CABYR: variants seen among roughly 807,000 people sequenced by gnomAD.
CABYR encodes calcium-binding tyrosine phosphorylation-regulated protein.
In CABYR, 31 loss-of-function variants were observed where a neutral mutation model predicts 36.1. The observed-to-expected ratio is 0.86, with a 90% CI of 0.64 to 1.16. The LOEUF (loss-of-function observed/expected upper bound fraction) is 1.16. Among genes scored for constraint, CABYR ranks in the 50% most tolerant of loss-of-function variants. CABYR has a pLI of 0.00. For synonymous variants in CABYR, 146 were observed against 160.7 expected (o/e 0.91, Z 0.69); for missense variants, 429 against 455.8 (o/e 0.94, Z 0.53).
At chr18:24,156,778 T>A in intron 4 of CABYR, 1 of 1,614,082 alleles carries the variant, frequency 6.2e-7, no homozygotes, top group East Asian at 2.2e-5. Flanking sequence ...ATCACTTCAA[T>A]AGTCTCTGAC....
rs201103485 is a variant in CABYR at position 24,143,341 on chromosome 18, C to G, written c.146-19C>G. Reference sequence around the variant, plus strand: ...AATTTCATGTATCTGTATTTGATTTCCTGTATTGATTCCTTCAGGGAATAC... The same window carrying G: ...AATTTCATGTATCTGTATTTGATTTGCTGTATTGATTCCTTCAGGGAATAC... On this transcript the variant is annotated intron_variant, in intron 2 of 5. Transcript: ENST00000399496. 1.4e-5 allele frequency: 22 copies of G among 1,593,292 alleles called. No homozygotes were observed. Among genetic ancestry groups the G allele is most frequent in the Non-Finnish European group, 1.9e-5 (22 of 1,167,370 alleles).
rs954097314 is a variant in CABYR, at chr18:24,149,565, C to T, written c.200-6136C>T. Among the ~76,000 whole-genome samples, 3 of 152,344 alleles carry T rather than the reference C, an allele frequency of 2.0e-5. No individual in the cohort carries two copies. In the South Asian group the frequency reaches 6.2e-4, roughly 32 times the overall value. On this transcript the variant is annotated intron_variant, in intron 3 of 5. Coordinates refer to ENST00000399496, the MANE Select transcript of CABYR (RefSeq NM_153769.3). ...GTGCCGTGCGCCTGCACTCCTCAGC[C>T]CTTGGGTGGTCGATGGGACTGGGTG...
intron 1 of CABYR, 50 bp from the exon 2 acceptor site, chr18:24,143,041 A>T (rs543089855): frequency 7.5e-7 from 1 of 1,333,588 alleles, no homozygotes. Context: ...AAAAAAAAAA[A>T]ACCTATTTTA....
intron 3 of CABYR, 59 bp from the exon 4 acceptor site, chr18:24,155,642 T>TTTTC (rs2085760374): frequency 7.7e-7 from 1 of 1,300,586 alleles, no homozygotes. Context: ...TTTAAAAATC[T>TTTTC]TTTCTTCTCT....
chr18:24,150,466 CA>C (rs2085591673), intron 3 of CABYR: 1 of 357,482 alleles, frequency 2.8e-6, no homozygotes, highest in South Asian at 1.1e-4. Flanking sequence ...ACTACATTGT[CA>C]TATAATCAAT....
chr18:24,156,817 ACT>A (rs2085802741), intron 4 of CABYR: 3 of 1,613,854 alleles, frequency 1.9e-6, no homozygotes, highest in Non-Finnish European at 2.5e-6. Context: ...TCTGGGGAAA[ACT>A]CTGTACCCCA....
intron 3 of CABYR, among the ~76,000 whole-genome samples, chr18:24,146,835 C>A (rs1323482156): frequency 6.6e-6 from 1 of 151,924 alleles, no homozygotes; most frequent in East Asian, 1.9e-4. Context: ...ACCATAGAAG[C>A]CAAAAGACAA....
chr18:24,148,994 C>T (rs1448849605), intron 3 of CABYR, among the ~76,000 whole-genome samples: 3 of 152,196 alleles, frequency 2.0e-5, no homozygotes, highest in Non-Finnish European at 2.9e-5. Flanking sequence ...GCCCCACCCA[C>T]ATCCTGCTGA....
rs199719481 is a variant in CABYR at position 24,159,458 on chromosome 18, A to AT, written c.542-5dup. 1.1e-3 allele frequency: 1,810 copies of AT among 1,586,954 alleles called. 14 individuals are homozygous for AT. The African/African-American group carries it at 0.019, about 17-fold the overall frequency. On this transcript the variant is annotated splice_polypyrimidine_tract_variant and intron_variant, in intron 4 of 5. Coordinates refer to ENST00000399496, the MANE Select transcript of CABYR (RefSeq NM_153769.3). Reference sequence around the variant, plus strand: ...AGACCAAAACTTTAATTCCTGCAAAATTTTTTTTTATAGCAATGGCAACAA... The same window carrying AT: ...AGACCAAAACTTTAATTCCTGCAAAATTTTTTTTTTATAGCAATGGCAACAA...
chr18:24,147,043 G>C (rs990358080), intron 3 of CABYR, among the ~76,000 whole-genome samples: 5 of 152,116 alleles, frequency 3.3e-5, no homozygotes, highest in African/African-American at 1.2e-4. Flanking sequence ...TGCAATCCAA[G>C]TGCTTTGGGA....
chr18:24,157,092 A>G (rs2085810484), intron 4 of CABYR: 2 of 909,382 alleles, frequency 2.2e-6, no homozygotes, highest in Admixed American at 2.8e-5. Context: ...CAGATTGGTC[A>G]GTCTTTATTT....
chr18:24,142,777 A>ATT (rs2085355668), intron 1 of CABYR, among the ~76,000 whole-genome samples: 1 of 152,006 alleles, frequency 6.6e-6, no homozygotes, highest in African/African-American at 2.4e-5. Flanking sequence ...CATAAGGACT[A>ATT]TTTTAGTCAC....
In CABYR at chr18:24,143,423, A is replaced by G; in HGVS notation, c.199+10A>G. 2.1e-6 allele frequency: 3 copies of G among 1,440,550 alleles called. No homozygotes were observed. The South Asian group carries it at 3.7e-5, about 18-fold the overall frequency. 89.2% of individuals were successfully genotyped at this position (1,440,550 alleles called of 1,614,324 possible). A position where few individuals can be genotyped will look rare whatever the true frequency, so the allele number is the denominator to read the frequency against. On this transcript the variant is annotated intron_variant, in intron 3 of 5. Transcript: ENST00000399496. ...TTTCATCAGATTAAAGGTAAGTACC[A>G]CAAGTAGTAATAGTTTTAATAATGA...
chr18:24,141,433 C>T (rs555902453), intron 1 of CABYR, among the ~76,000 whole-genome samples: 2 of 152,264 alleles, frequency 1.3e-5, no homozygotes, highest in South Asian at 2.1e-4. Context: ...GGAGAAATTT[C>T]TCCTGGGTTT....
intron 3 of CABYR, among the ~76,000 whole-genome samples, chr18:24,149,223 A>T (rs1379145533): frequency 6.6e-6 from 1 of 152,038 alleles, no homozygotes; most frequent in Non-Finnish European, 1.5e-5. Context: ...TGGTGCGTTT[A>T]CAAACCTTGA....
intron 3 of CABYR, among the ~76,000 whole-genome samples, chr18:24,150,870 C>T (rs2085612191): frequency 6.6e-6 from 1 of 151,646 alleles, no homozygotes; most frequent in African/African-American, 2.4e-5. Flanking sequence ...AGCTCCGCCT[C>T]CCGGGTTCAC....
intron 4 of CABYR, 72 bp downstream of exon 4, chr18:24,156,114 G>A (rs1599394015): frequency 1.2e-6 from 2 of 1,614,074 alleles, no homozygotes; most frequent in Non-Finnish European, 8.5e-7. Flanking sequence ...TATGCCTGTT[G>A]TTATCAAGGA....
chr18:24,144,153 C>T (rs2085400940), intron 3 of CABYR, among the ~76,000 whole-genome samples: 1 of 152,182 alleles, frequency 6.6e-6, no homozygotes, highest in South Asian at 2.1e-4. Context: ...CTGCCTCAAC[C>T]TCCCAAAGTG....
At position 24,143,341 on chromosome 18, in the gene CABYR, C is replaced by T. The variant is rs201103485; in HGVS notation, c.146-19C>T. On this transcript the variant is annotated intron_variant, in intron 2 of 5. Coordinates refer to ENST00000399496, the MANE Select transcript of CABYR (RefSeq NM_153769.3). ...AATTTCATGTATCTGTATTTGATTT[C>T]CTGTATTGATTCCTTCAGGGAATAC... 308 of 1,593,406 alleles carry T rather than the reference C, an allele frequency of 1.9e-4. No homozygotes were observed. The highest frequency in any genetic ancestry group is 5.1e-5 in the Non-Finnish European group (59 of 1,167,362).
Sources: allele counts gnomAD v4.1 joint callset (sites outside exome capture counted in the v4.1 genomes callset), GRCh38; gene constraint gnomAD v4.1.1; transcripts MANE v1.5; gene names NCBI Gene and HGNC (gene_info 2026-07-23, HGNC 2026-07-21).